The following ARL14EPL variants were observed in gnomAD, a reference collection of about 807,000 sequenced individuals.
ARL14EPL encodes the protein ARL14 effector protein-like.
Under a neutral mutation model 15.9 loss-of-function variants are expected in ARL14EPL, and 17 were observed. The ratio of observed to expected loss-of-function variants is 1.07; its 90% CI spans 0.73 to 1.60. ARL14EPL has a LOEUF of 1.60. Ranked by LOEUF, ARL14EPL falls within the 40% of genes most tolerant of loss-of-function variation. The pLI is 0.00. For missense variants in ARL14EPL, 214 were observed against 185.9 expected, an observed-to-expected ratio of 1.15 and a Z score of -0.88; for synonymous variants, 78 against 63.8, an observed-to-expected ratio of 1.22 and a Z score of -1.06.
chr5:116,053,249 G>A (rs1749433541), intron 2 of ARL14EPL, among the ~76,000 whole-genome samples: 3 of 151,992 alleles, frequency 2.0e-5, no homozygotes, highest in Non-Finnish European at 4.4e-5. Context: ...CTACATGGGA[G>A]GCTGAGGTGG....
intron 3 of ARL14EPL, 67 bp from the exon 4 acceptor site, chr5:116,058,658 C>A: frequency 7.1e-7 from 1 of 1,414,300 alleles, no homozygotes; most frequent in Non-Finnish European, 9.6e-7. Flanking sequence ...GTTGATTGTA[C>A]ATTAATTTAT....
At chr5:116,052,602 A>G (rs1423009996) in intron 2 of ARL14EPL, among the ~76,000 whole-genome samples, 1 of 152,192 alleles carries the variant, frequency 6.6e-6, no homozygotes, top group Admixed American at 6.5e-5. Flanking sequence ...GCTACTTAGA[A>G]TAGTAATCGC....
At chr5:116,034,072 C>G (rs1749006118) in intron 1 of ARL14EPL, among the ~76,000 whole-genome samples, 1 of 152,160 alleles carries the variant, frequency 6.6e-6, no homozygotes, top group South Asian at 2.1e-4. Flanking sequence ...CCTAGACTCT[C>G]AGGATTCACA....
intron 1 of ARL14EPL, among the ~76,000 whole-genome samples, chr5:116,040,277 C>T (rs1367664186): frequency 6.6e-6 from 1 of 151,766 alleles, no homozygotes; most frequent in South Asian, 2.1e-4. Context: ...TTCTTTAATG[C>T]CTTCCCTTCA....
At chr5:116,043,839 C>T (rs995999742) in intron 1 of ARL14EPL, among the ~76,000 whole-genome samples, 4 of 152,114 alleles carry the variant, frequency 2.6e-5, no homozygotes, top group Admixed American at 1.3e-4. Context: ...TTGCCTTCGG[C>T]CCTTGATGTT....
At chr5:116,047,965 C>T (rs2560670) in intron 1 of ARL14EPL, among the ~76,000 whole-genome samples, 118,644 of 152,022 alleles carry the variant, frequency 0.78, 46,487 homozygotes, top group Middle Eastern at 0.86. Context: ...AGGCTATTTC[C>T]GAAGCCTTCA....
chr5:116,041,269 C>T (rs77031961), intron 1 of ARL14EPL, among the ~76,000 whole-genome samples: 11,988 of 152,136 alleles, frequency 0.079, 578 homozygotes, highest in Admixed American at 0.12. Context: ...CATATATCCA[C>T]TGCTGAAGTA....
intron 2 of ARL14EPL, among the ~76,000 whole-genome samples, chr5:116,053,688 T>C (rs1270478395): frequency 6.6e-6 from 1 of 152,240 alleles, no homozygotes; most frequent in Non-Finnish European, 1.5e-5. Flanking sequence ...CATCAAATGC[T>C]AATTCTGATG....
chr5:116,051,199 G>T (rs1749369320), intron 1 of ARL14EPL: 1 of 356,446 alleles, frequency 2.8e-6, no homozygotes, highest in South Asian at 6.4e-5. Context: ...CTTAAGAGAG[G>T]TTTATGATGC....
Position 116,051,465 on chromosome 5 carries a change from G to C in ARL14EPL, c.-1G>C. ...TCCAATTACTTTTTAAGTGATCAGA[G>C]ATGAATGAACAATCAGAGAAAAACA... is the stretch of plus-strand genomic sequence containing the variant. On this transcript the variant is annotated 5_prime_UTR_variant, in exon 2 of 4. Coordinates refer to ENST00000686077, the MANE Select transcript of ARL14EPL (RefSeq NM_001195581.2). The C allele has an allele frequency of 6.5e-7, 1 of 1,527,866 alleles. No individual in the cohort carries two copies. The highest frequency in any genetic ancestry group is 8.8e-7 in the Non-Finnish European group (1 of 1,139,692). 94.6% of individuals were successfully genotyped at this position (1,527,866 alleles called of 1,614,324 possible).
chr5:116,043,300 T>C (rs571924366), intron 1 of ARL14EPL, among the ~76,000 whole-genome samples: 1 of 152,042 alleles, frequency 6.6e-6, no homozygotes, highest in Admixed American at 6.5e-5. Context: ...TTCTGAGAAC[T>C]AAAGGGTAAA....
At chr5:116,058,564 A>T (rs187085931) in intron 3 of ARL14EPL, among the ~76,000 whole-genome samples, 161 bp from the exon 4 acceptor site, 1 of 152,298 alleles carries the variant, frequency 6.6e-6, no homozygotes, top group African/African-American at 2.4e-5. Context: ...GTTTCTGGTA[A>T]TCCCTGGAGT....
intron 2 of ARL14EPL, chr5:116,052,082 G>T (rs1306033094): frequency 5.6e-6 from 9 of 1,613,364 alleles, no homozygotes; most frequent in South Asian, 1.1e-5. Flanking sequence ...CACAGCTGGG[G>T]TTATAAGTTT....
intron 1 of ARL14EPL, among the ~76,000 whole-genome samples, chr5:116,034,124 T>A (rs978179584): frequency 3.9e-5 from 6 of 152,200 alleles, no homozygotes; most frequent in Non-Finnish European, 7.3e-5. Context: ...GCATGGGGTT[T>A]GTGAGAGTTT....
In ARL14EPL at chr5:116,040,979, C is replaced by CAAA. The variant is rs56060606; in HGVS notation, c.-10+8486_-10+8488dup. Among the ~76,000 whole-genome samples, 412 of 66,112 alleles carry CAAA rather than the reference C, an allele frequency of 6.2e-3. 32 individuals carry two copies. Among genetic ancestry groups the CAAA allele is most frequent in the East Asian group, 0.033 (89 of 2,680 alleles). 43.4% of individuals were successfully genotyped at this position (66,112 alleles called of 152,430 possible). ...TGGGAGACAGAACGAGATTCCCTCT[C>CAAA]AAAAAAAAAAAAAAGTTTTTATGCT... On this transcript the variant is annotated intron_variant, in intron 1 of 3. Coordinates refer to ENST00000686077, the MANE Select transcript of ARL14EPL (RefSeq NM_001195581.2).
intron 1 of ARL14EPL, among the ~76,000 whole-genome samples, chr5:116,039,536 G>T (rs1325683115): frequency 6.6e-6 from 1 of 152,098 alleles, no homozygotes; most frequent in Non-Finnish European, 1.5e-5. Context: ...ATACAAAGCT[G>T]GGCAGGCAGG....
chr5:116,044,312 A>T (rs1231985551), intron 1 of ARL14EPL, among the ~76,000 whole-genome samples: 1 of 152,188 alleles, frequency 6.6e-6, no homozygotes, highest in Non-Finnish European at 1.5e-5. Flanking sequence ...ATAACTCACA[A>T]CATAATATCC....
At chr5:116,032,935 C>A (rs887248480) in intron 1 of ARL14EPL, among the ~76,000 whole-genome samples, 3 of 152,074 alleles carry the variant, frequency 2.0e-5, no homozygotes, top group African/African-American at 4.8e-5. Flanking sequence ...GTAGCTGGGA[C>A]TACAGGTGTG....
chr5:116,052,616 G>C (rs1458917499), intron 2 of ARL14EPL, among the ~76,000 whole-genome samples: 3 of 152,094 alleles, frequency 2.0e-5, no homozygotes, highest in African/African-American at 7.2e-5. Context: ...TAATCGCTTC[G>C]TACTAAGTTG....
Sources: gnomAD v4.1 joint callset for allele counts (sites outside exome capture counted in the v4.1 genomes callset) on GRCh38, gnomAD v4.1.1 for gene constraint, MANE v1.5 for transcripts, NCBI Gene and HGNC (gene_info 2026-07-23, HGNC 2026-07-21) for gene names.